The following DEK variants were observed in gnomAD, a reference collection of about 807,000 sequenced individuals.
The protein encoded by DEK is DEK proto-oncogene, also known as protein DEK.
Under a neutral mutation model 46.8 loss-of-function variants are expected in DEK, and 28 were observed. The ratio of observed to expected loss-of-function variants is 0.60; its 90% CI spans 0.44 to 0.82. The LOEUF is 0.82. Ranked by LOEUF, DEK falls within the 40% of genes least tolerant of loss-of-function variation. The pLI is 0.00. For missense variants in DEK, 416 were observed against 430.6 expected (o/e 0.97, Z 0.30); for synonymous variants, 160 against 144.5 (o/e 1.11, Z -0.77).
intron 7 of DEK, among the ~76,000 whole-genome samples, chr6:18,241,593 T>A (rs1790897175): frequency 6.6e-6 from 1 of 152,196 alleles, no homozygotes; most frequent in Admixed American, 6.5e-5. Flanking sequence ...CCTGAGCACC[T>A]GTATATGTTT....
intron 7 of DEK, among the ~76,000 whole-genome samples, chr6:18,242,377 A>G (rs1361834365): frequency 6.6e-6 from 1 of 152,230 alleles, no homozygotes; most frequent in Admixed American, 6.5e-5. Flanking sequence ...AGAAGAAAGA[A>G]TAATACGGCA....
chr6:18,264,422 C>T lies in DEK; in HGVS notation c.-47G>A, dbSNP rs748938033. On this transcript the variant is annotated 5_prime_UTR_variant, in exon 1 of 11. Coordinates refer to ENST00000652689, the MANE Select transcript of DEK (RefSeq NM_003472.4). ...CCGCCGCGGGCCTGGCACGCGAGGG[C>T]ACGAGGAGGTTCTGGGAGGCGGCGG... The T allele has an allele frequency of 1.1e-5, 3 of 270,164 alleles. No homozygotes were observed. The highest frequency in any genetic ancestry group is 8.9e-5 in the South Asian group (3 of 33,838). The allele number at this position is 270,164 out of a possible 1,614,324, so 16.7% of individuals were successfully genotyped here.
At chr6:18,256,214 T>G in intron 5 of DEK, 147 bp downstream of exon 5, 1 of 623,788 alleles carries the variant, frequency 1.6e-6, no homozygotes, top group South Asian at 2.2e-5. Flanking sequence ...CTCAAACTCC[T>G]GACCTCAGGT....
chr6:18,258,900 C>A lies in DEK; in HGVS notation c.146-495G>T, dbSNP rs1203217080. Among the ~76,000 whole-genome samples, 3 of 152,182 alleles carry A rather than the reference C, an allele frequency of 2.0e-5. No individual in the cohort carries two copies. In the East Asian group the frequency reaches 5.8e-4, roughly 29 times the overall value. ...CACAAATAAAGACTTCCAGGCAGAACAGCCTGAAGTACGTGGATAGGATAA... is the reference window on the plus strand; with the variant it reads ...CACAAATAAAGACTTCCAGGCAGAAAAGCCTGAAGTACGTGGATAGGATAA... On this transcript the variant is annotated intron_variant, in intron 2 of 10. Coordinates refer to ENST00000652689, the MANE Select transcript of DEK (RefSeq NM_003472.4).
intron 2 of DEK, among the ~76,000 whole-genome samples, chr6:18,259,629 C>G (rs13218059): frequency 1.3e-5 from 2 of 151,812 alleles, no homozygotes; most frequent in South Asian, 2.1e-4. Flanking sequence ...ATAAAAACTG[C>G]GTATCTTTTG....
chr6:18,241,192 C>T (rs1322516739), intron 7 of DEK, among the ~76,000 whole-genome samples: 1 of 152,068 alleles, frequency 6.6e-6, no homozygotes, highest in African/African-American at 2.4e-5. Flanking sequence ...AGGAATAGGT[C>T]TCTGGAAAAT....
intron 2 of DEK, among the ~76,000 whole-genome samples, chr6:18,260,985 C>CAAAA (rs780634683): frequency 5.1e-5 from 4 of 78,006 alleles, no homozygotes; most frequent in Admixed American, 2.9e-4. Flanking sequence ...ACCTTGTCTC[C>CAAAA]AAAAAAAAAA....
chr6:18,259,027 T>C (rs181846774), intron 2 of DEK, among the ~76,000 whole-genome samples: 40 of 152,236 alleles, frequency 2.6e-4, no homozygotes, highest in African/African-American at 9.1e-4. Context: ...CAAAGTTAAA[T>C]TGTTTAGTCA....
At chr6:18,232,044 G>A (rs781135809) in intron 9 of DEK, among the ~76,000 whole-genome samples, 13 of 152,190 alleles carry the variant, frequency 8.5e-5, no homozygotes, top group Non-Finnish European at 1.5e-4. Context: ...TCCCTGGCAT[G>A]CAAGGCTGGT....
chr6:18,244,422 G>A lies in DEK; in HGVS notation c.762+5229C>T, dbSNP rs1010520648. 12 of 614,954 alleles carry A rather than the reference G, an allele frequency of 2.0e-5. No homozygotes were observed. The Admixed American group carries it at 2.0e-4, about 10-fold the overall frequency. 38.1% of individuals were successfully genotyped at this position (614,954 alleles called of 1,614,324 possible). Reference sequence around the variant, plus strand: ...CGTGAAGGGGATTCTCCCTGTCTCTGATAACCATGAAGGTACAGAATCAGA... The same window carrying A: ...CGTGAAGGGGATTCTCCCTGTCTCTAATAACCATGAAGGTACAGAATCAGA... On this transcript the variant is annotated intron_variant, in intron 7 of 10. Transcript: ENST00000652689.
intron 3 of DEK, 25 bp from the exon 4 acceptor site, chr6:18,258,087 T>A: frequency 1.4e-6 from 2 of 1,464,552 alleles, no homozygotes; most frequent in Non-Finnish European, 1.9e-6. Flanking sequence ...AAATCACAAT[T>A]AAATACCTAT....
chr6:18,250,496 A>C lies in DEK; in HGVS notation c.574-657T>G, dbSNP rs1401206573. ...AAAAACACAAAAAGCAAAAAACAAA[A>C]AACTGTCACTGCCAAAGAAGCTCCT... On this transcript the variant is annotated intron_variant, in intron 6 of 10. Transcript: ENST00000652689. Among the ~76,000 whole-genome samples the C allele has an allele frequency of 2.0e-5, 3 of 152,086 alleles. No individual in the cohort carries two copies. The South Asian group carries it at 6.2e-4, about 32-fold the overall frequency.
chr6:18,252,808 T>C (rs573157228), intron 6 of DEK, among the ~76,000 whole-genome samples: 9 of 152,190 alleles, frequency 5.9e-5, no homozygotes, highest in South Asian at 2.1e-4. Context: ...GTGGGTAAAA[T>C]TGATGGCACC....
At position 18,259,430 on chromosome 6, in the gene DEK, A is replaced by AAAAAATAAAT. The variant is rs1554162685; in HGVS notation, c.146-1026_146-1025insATTTATTTTT. On this transcript the variant is annotated intron_variant, in intron 2 of 10. Transcript: ENST00000652689. ...AAAAAAAAAAAAAAAAAAAAAAAAAAAAATCTAGAAAACAGGTAGCATATA... is the reference window on the plus strand; with the variant it reads ...AAAAAAAAAAAAAAAAAAAAAAAAAAAAAAATAAATAAATCTAGAAAACAGGTAGCATATA... 3.1e-5 allele frequency among the ~76,000 whole-genome samples: 3 copies of AAAAAATAAAT among 96,742 alleles called. 1 individual carries two copies. The highest frequency in any genetic ancestry group is 4.7e-5 in the Non-Finnish European group (2 of 42,170). The allele number at this position is 96,742 out of a possible 152,430, so 63.5% of individuals were successfully genotyped here.
intron 6 of DEK, among the ~76,000 whole-genome samples, chr6:18,250,517 C>T (rs530698882): frequency 4.7e-5 from 7 of 150,264 alleles, no homozygotes; most frequent in Admixed American, 4.0e-4. Flanking sequence ...GCCAAAGAAG[C>T]TCCTTGCTTT....
chr6:18,256,546 T>C, intron 4 of DEK, 91 bp from the exon 5 acceptor site: 3 of 1,033,420 alleles, frequency 2.9e-6, no homozygotes, highest in Non-Finnish European at 2.9e-6. Context: ...ACATCTTTAT[T>C]TTCATACCTG....
intron 9 of DEK, among the ~76,000 whole-genome samples, chr6:18,232,227 G>A (rs573559109): frequency 1.3e-5 from 2 of 152,044 alleles, no homozygotes; most frequent in Non-Finnish European, 2.9e-5. Flanking sequence ...AAATAATAAA[G>A]AGCTATTTAT....
intron 7 of DEK, among the ~76,000 whole-genome samples, chr6:18,245,778 G>T (rs566661248): frequency 6.6e-6 from 1 of 152,196 alleles, no homozygotes; most frequent in Non-Finnish European, 1.5e-5. Context: ...TCATTGATAC[G>T]GTTTGGCTCT....
rs565211474 is a variant in DEK at position 18,237,630 on chromosome 6, G to T, written c.763-114C>A. On this transcript the variant is annotated intron_variant, in intron 7 of 10. Coordinates refer to ENST00000652689, the MANE Select transcript of DEK (RefSeq NM_003472.4). The stretch of plus-strand genomic sequence containing the variant: ...ATATTAGAGAAAACCAATATATTTG[G>T]TATCAGCAATTAAAAATTCTTTTTG... 62 of 1,335,748 alleles carry T rather than the reference G, an allele frequency of 4.6e-5. No individual in the cohort carries two copies. The East Asian group carries it at 1.5e-3, about 32-fold the overall frequency. 82.7% of individuals were successfully genotyped at this position (1,335,748 alleles called of 1,614,324 possible).
Sources: allele counts gnomAD v4.1 joint callset (sites outside exome capture counted in the v4.1 genomes callset), GRCh38; gene constraint gnomAD v4.1.1; transcripts MANE v1.5; gene names NCBI Gene and HGNC (gene_info 2026-07-23, HGNC 2026-07-21).